Variants in ROR1 observed in about 807,000 individuals in gnomAD.
The protein encoded by ROR1 is inactive tyrosine-protein kinase transmembrane receptor ROR1.
ROR1 carries 19 observed loss-of-function variants against 78.8 expected under a neutral mutation model. That is an observed-to-expected ratio of 0.24 (90% CI 0.17 to 0.35). The LOEUF is 0.35. ROR1 is among the 10% of genes least tolerant of loss of function. The pLI, the probability that ROR1 is intolerant of heterozygous loss-of-function variation, is 1.00. For synonymous variants in ROR1, 386 were observed against 433.6 expected (o/e 0.89, Z 1.36); for missense variants, 917 against 1,177.8 (o/e 0.78, Z 3.24).
intron 1 of ROR1, among the ~76,000 whole-genome samples, chr1:63,779,025 C>T (rs1405670764): frequency 6.6e-6 from 1 of 152,216 alleles, no homozygotes; most frequent in African/African-American, 2.4e-5. Context: ...TTATTGGAGA[C>T]AGCCAATTTC....
In ROR1 at chr1:64,014,741, T is replaced by G. The variant is rs1344894913; in HGVS notation, c.163+5365T>G. 2.0e-3 allele frequency among the ~76,000 whole-genome samples: 4 copies of G among 2,030 alleles called. 1 individual carries two copies. Among genetic ancestry groups the G allele is most frequent in the Non-Finnish European group, 5.0e-3 (4 of 796 alleles). The allele number at this position is 2,030 out of a possible 152,430, so 1.3% of individuals were successfully genotyped here. On this transcript the variant is annotated intron_variant, in intron 2 of 8. Coordinates refer to ENST00000371079, the MANE Select transcript of ROR1 (RefSeq NM_005012.4). ...TATATATATATACACATACGCACAC[T>G]ATATATATATATATATATATATATA...
At chr1:64,093,583 C>CCA (rs200952215) in intron 4 of ROR1, among the ~76,000 whole-genome samples, 15 of 151,342 alleles carry the variant, frequency 9.9e-5, no homozygotes, top group Admixed American at 2.6e-4. Context: ...CTACCTCCTA[C>CCA]CACACACACA....
intron 1 of ROR1, among the ~76,000 whole-genome samples, chr1:63,827,334 G>T (rs1028468068): frequency 2.0e-5 from 3 of 152,046 alleles, no homozygotes; most frequent in East Asian, 1.9e-4. Flanking sequence ...ATTGCTTTTG[G>T]TGCCTTTGTC....
intron 1 of ROR1, among the ~76,000 whole-genome samples, chr1:63,782,582 A>G (rs535535969): frequency 6.9e-6 from 1 of 145,418 alleles, no homozygotes; most frequent in Admixed American, 6.8e-5. Flanking sequence ...ACAGCTGCTA[A>G]TGTTACCTTA....
At chr1:63,904,126 C>T (rs926712230) in intron 1 of ROR1, among the ~76,000 whole-genome samples, 5 of 152,158 alleles carry the variant, frequency 3.3e-5, no homozygotes, top group Admixed American at 1.3e-4. Context: ...CATGATGGAG[C>T]TGAAGAACTC....
At chr1:64,123,085 C>A (rs1051364169) in intron 4 of ROR1, among the ~76,000 whole-genome samples, 4 of 152,166 alleles carry the variant, frequency 2.6e-5, no homozygotes, top group African/African-American at 9.7e-5. Flanking sequence ...CAGCAAGCCT[C>A]CCCTTCCTTC....
At chr1:63,975,114 T>A (rs1480692868) in intron 1 of ROR1, among the ~76,000 whole-genome samples, 3 of 152,170 alleles carry the variant, frequency 2.0e-5, no homozygotes, top group Non-Finnish European at 4.4e-5. Context: ...CCAGAACTGC[T>A]CTACAGTGGC....
chr1:64,068,806 C>A (rs1646978471), intron 4 of ROR1, among the ~76,000 whole-genome samples: 1 of 152,034 alleles, frequency 6.6e-6, no homozygotes, highest in Non-Finnish European at 1.5e-5. Flanking sequence ...TCCACAAGTT[C>A]CGTTTTACAG....
intron 4 of ROR1, among the ~76,000 whole-genome samples, chr1:64,108,879 G>T (rs892780735): frequency 1.5e-4 from 23 of 152,128 alleles, no homozygotes; most frequent in African/African-American, 4.8e-4. Flanking sequence ...ATCCCTTGGG[G>T]GATTGTTAAA....
intron 1 of ROR1, among the ~76,000 whole-genome samples, chr1:63,819,355 G>A (rs937630716): frequency 6.6e-6 from 1 of 152,140 alleles, no homozygotes. Context: ...TATGAGGGCA[G>A]GTGCATACCT....
intron 4 of ROR1, among the ~76,000 whole-genome samples, chr1:64,125,032 G>A (rs1648663610): frequency 1.3e-5 from 2 of 152,176 alleles, no homozygotes; most frequent in African/African-American, 4.8e-5. Context: ...TGAGTTACTA[G>A]GAGTCATTCT....
intron 1 of ROR1, among the ~76,000 whole-genome samples, chr1:63,941,774 T>C (rs1238561237): frequency 6.6e-6 from 1 of 152,160 alleles, no homozygotes. Context: ...TTATAAACCA[T>C]GAGGAGATGA....
At chr1:63,998,035 C>T (rs1469172289) in intron 1 of ROR1, among the ~76,000 whole-genome samples, 1 of 152,078 alleles carries the variant, frequency 6.6e-6, no homozygotes, top group East Asian at 1.9e-4. Context: ...TGGTGTGTAA[C>T]AGAGCTGGGA....
chr1:64,013,897 T>C (rs549290145), intron 2 of ROR1, among the ~76,000 whole-genome samples: 3 of 152,366 alleles, frequency 2.0e-5, no homozygotes, highest in Admixed American at 6.5e-5. Flanking sequence ...ATTAAATTAT[T>C]TGGGTTCAAA....
At chr1:64,062,697 A>T (rs1646926784) in intron 4 of ROR1, among the ~76,000 whole-genome samples, 1 of 152,212 alleles carries the variant, frequency 6.6e-6, no homozygotes, top group African/African-American at 2.4e-5. Flanking sequence ...CTGGCTTTGC[A>T]TGTGTGACTT....
At chr1:64,143,022 G>A (rs1649370707) in intron 7 of ROR1, 4 of 1,095,536 alleles carry the variant, frequency 3.7e-6, no homozygotes, top group East Asian at 6.7e-5. Flanking sequence ...GAAGCAGGAA[G>A]AAATTGTTTT....
chr1:64,179,008 G>T lies in ROR1; in HGVS notation c.*153G>T. On this transcript the variant is annotated 3_prime_UTR_variant, in exon 9 of 9. Transcript: ENST00000371079. ...AGTTTCACTGTGTCTTACCAAGCAG[G>T]ACAGACACTCGGCCAGAAAAAAAAA... The T allele has an allele frequency of 9.5e-6, 3 of 314,754 alleles. No homozygotes were observed. Among genetic ancestry groups the T allele is most frequent in the Non-Finnish European group, 1.1e-5 (2 of 178,538 alleles). The allele number at this position is 314,754 out of a possible 1,614,324, so 19.5% of individuals were successfully genotyped here.
At chr1:63,928,896 C>G (rs959359757) in intron 1 of ROR1, among the ~76,000 whole-genome samples, 4 of 152,170 alleles carry the variant, frequency 2.6e-5, no homozygotes, top group African/African-American at 9.6e-5. Flanking sequence ...TTACCTTATC[C>G]TAACAATGAA....
chr1:63,911,365 G>T (rs935770842), intron 1 of ROR1, among the ~76,000 whole-genome samples: 3 of 152,030 alleles, frequency 2.0e-5, no homozygotes, highest in Non-Finnish European at 4.4e-5. Flanking sequence ...ATCTGTCCAG[G>T]GCTAGTTAGG....
Sources: gnomAD v4.1 joint callset for allele counts (sites outside exome capture counted in the v4.1 genomes callset) on GRCh38, gnomAD v4.1.1 for gene constraint, MANE v1.5 for transcripts, NCBI Gene and HGNC (gene_info 2026-07-23, HGNC 2026-07-21) for gene names.